Variants in STK32A observed in about 807,000 individuals in gnomAD.
STK32A encodes serine/threonine kinase 32A, also known as serine/threonine-protein kinase 32A.
STK32A carries 41 observed loss-of-function variants against 53.2 expected under a neutral mutation model. The observed-to-expected ratio is 0.77, with a 90% confidence interval of 0.60 to 1.00. The LOEUF (loss-of-function observed/expected upper bound fraction) is 1.00, where lower values mean the gene tolerates loss of function less well. Ranked by LOEUF, STK32A falls within the 50% of genes least tolerant of loss-of-function variation. The probability of loss-of-function intolerance (pLI) is 0.00; values close to 1 mark genes in which losing one functional copy is unlikely to be tolerated. For synonymous variants in STK32A, 166 were observed against 162.8 expected, an observed-to-expected ratio of 1.02 and a Z score of -0.15; for missense variants, 458 against 485.8, an observed-to-expected ratio of 0.94 and a Z score of 0.54.
At chr5:147,317,464 A>G (rs986028890) in intron 4 of STK32A, among the ~76,000 whole-genome samples, 4 of 150,520 alleles carry the variant, frequency 2.7e-5, no homozygotes, top group Admixed American at 2.0e-4. Flanking sequence ...AGTAGCTGAG[A>G]TTATAGGTGC....
At position 147,351,155 on chromosome 5, in the gene STK32A, G is replaced by T; in HGVS notation, c.562+1G>T. The stretch of plus-strand genomic sequence containing the variant: ...ATGGCTGGCACCAAGCCTTACATGG[G>T]TATGGGTTTCATGAGTGTCTTTTTT... On this transcript the variant is annotated splice_donor_variant, in intron 7 of 12. Coordinates refer to ENST00000397936, the MANE Select transcript of STK32A (RefSeq NM_001112724.2). LOFTEE classifies it high-confidence loss of function. The T allele has an allele frequency of 6.2e-7, 1 of 1,612,240 alleles. No homozygotes were observed. Among genetic ancestry groups the T allele is most frequent in the East Asian group, 2.2e-5 (1 of 44,850 alleles).
intron 7 of STK32A, among the ~76,000 whole-genome samples, chr5:147,352,521 A>G (rs1232090004): frequency 2.0e-5 from 3 of 152,182 alleles, no homozygotes; most frequent in African/African-American, 7.2e-5. Flanking sequence ...CAGCCTCAAC[A>G]ATGCAAGGAG....
At chr5:147,271,230 C>G (rs1035742066) in intron 2 of STK32A, among the ~76,000 whole-genome samples, 1 of 152,150 alleles carries the variant, frequency 6.6e-6, no homozygotes, top group Non-Finnish European at 1.5e-5. Flanking sequence ...TTATGCCTGT[C>G]TTTACTGCAA....
At chr5:147,305,979 T>A (rs973498734) in intron 4 of STK32A, among the ~76,000 whole-genome samples, 5 of 151,576 alleles carry the variant, frequency 3.3e-5, no homozygotes, top group African/African-American at 9.7e-5. Context: ...GAATATAAAC[T>A]TAAGAATTAA....
intron 11 of STK32A, among the ~76,000 whole-genome samples, chr5:147,378,242 C>T (rs1175567736): frequency 6.6e-6 from 1 of 152,098 alleles, no homozygotes; most frequent in East Asian, 1.9e-4. Context: ...TTAGGATAGG[C>T]TTTCCAGAGG....
intron 2 of STK32A, among the ~76,000 whole-genome samples, chr5:147,256,925 C>T (rs9686742): frequency 3.3e-5 from 5 of 151,818 alleles, no homozygotes; most frequent in Admixed American, 1.3e-4. Flanking sequence ...AAGGTGCAGG[C>T]GGTGGGGATC....
At chr5:147,333,138 A>G (rs1434928587) in intron 5 of STK32A, among the ~76,000 whole-genome samples, 1 of 152,168 alleles carries the variant, frequency 6.6e-6, no homozygotes, top group East Asian at 1.9e-4. Flanking sequence ...ATATTGATCA[A>G]TTATGCATGT....
In STK32A at chr5:147,333,921, G is replaced by A. The variant is rs59352597; in HGVS notation, c.435-9085G>A. ...CAATTAGTGAGCTGTGTGACTTTAG[G>A]CAAATTAATAAACTGAATTTCTTTA... On this transcript the variant is annotated intron_variant, in intron 5 of 12. Transcript: ENST00000397936. 8.6e-3 allele frequency among the ~76,000 whole-genome samples: 1,304 copies of A among 152,168 alleles called. 17 individuals are homozygous for A. The highest frequency in any genetic ancestry group is 0.029 in the African/African-American group (1,197 of 41,508).
At chr5:147,392,287 T>C (rs918619694), downstream of STK32A, 4 of 152,228 alleles carry the variant, frequency 2.6e-5, no homozygotes, top group African/African-American at 9.7e-5. Flanking sequence ...GAAATAGTCT[T>C]TTTTCATGAT....
In STK32A at chr5:147,309,359, G is replaced by T. The variant is rs114227630; in HGVS notation, c.261-14539G>T. 4.2e-3 allele frequency among the ~76,000 whole-genome samples: 639 copies of T among 152,242 alleles called. 11 individuals are homozygous for T. The highest frequency in any genetic ancestry group is 0.014 in the African/African-American group (596 of 41,550). On this transcript the variant is annotated intron_variant, in intron 4 of 12. Transcript: ENST00000397936. The stretch of plus-strand genomic sequence containing the variant: ...AGGTGGTCAGAGTATAGGAAATTTT[G>T]AGATGCCGAGAAGATCTGTGAAATT...
At chr5:147,357,293 T>G (rs1447263363) in intron 7 of STK32A, among the ~76,000 whole-genome samples, 1 of 152,136 alleles carries the variant, frequency 6.6e-6, no homozygotes, top group African/African-American at 2.4e-5. Context: ...TTATCAGTGC[T>G]ACACTATCAA....
At chr5:147,313,643 G>A (rs62377740) in intron 4 of STK32A, among the ~76,000 whole-genome samples, 26,198 of 152,128 alleles carry the variant, frequency 0.17, 2,746 homozygotes, top group Middle Eastern at 0.23. Flanking sequence ...AAAAAGAAGA[G>A]CAAAGTTGGA....
Position 147,384,527 on chromosome 5 carries a change from G to A in STK32A, c.*544G>A. On this transcript the variant is annotated 3_prime_UTR_variant, in exon 13 of 13. Transcript: ENST00000397936. Reference sequence around the variant, plus strand: ...AATCAGATTAAAAGTAACAGAGATGGATGAGGGCCTTCCAGTGATATGCGT... The same window carrying A: ...AATCAGATTAAAAGTAACAGAGATGAATGAGGGCCTTCCAGTGATATGCGT... 9.0e-7 allele frequency: 1 copy of A among 1,106,170 alleles called. No homozygotes were observed. The highest frequency in any genetic ancestry group is 1.3e-6 in the Non-Finnish European group (1 of 766,112). 68.5% of individuals were successfully genotyped at this position (1,106,170 alleles called of 1,614,324 possible).
intron 2 of STK32A, among the ~76,000 whole-genome samples, chr5:147,271,748 G>A (rs1755047991): frequency 6.6e-6 from 1 of 152,110 alleles, no homozygotes; most frequent in South Asian, 2.1e-4. Flanking sequence ...ATTAGGATGA[G>A]GAAATTCCCA....
At chr5:147,240,762 G>A (rs1753537685) in intron 2 of STK32A, among the ~76,000 whole-genome samples, 1 of 152,212 alleles carries the variant, frequency 6.6e-6, no homozygotes, top group Non-Finnish European at 1.5e-5. Context: ...TCTTTCTCAT[G>A]TGACAATCTA....
At chr5:147,375,318 T>C (rs1016078476) in intron 11 of STK32A, 100 bp downstream of exon 11, 23 of 1,447,416 alleles carry the variant, frequency 1.6e-5, no homozygotes, top group Non-Finnish European at 2.0e-5. Flanking sequence ...CTTCCTGCTT[T>C]TGCTGCTTAG....
chr5:147,291,883 C>T (rs143819056), intron 4 of STK32A, among the ~76,000 whole-genome samples: 197 of 152,188 alleles, frequency 1.3e-3, no homozygotes, highest in African/African-American at 4.5e-3. Context: ...TAATTATTTG[C>T]ATTAAGTGCA....
At chr5:147,281,358 A>G (rs1411292446) in intron 4 of STK32A, among the ~76,000 whole-genome samples, 1 of 152,168 alleles carries the variant, frequency 6.6e-6, no homozygotes, top group Non-Finnish European at 1.5e-5. Flanking sequence ...CCAAAATATG[A>G]TACAAGAAGT....
chr5:147,259,735 C>G (rs996348081), intron 2 of STK32A, among the ~76,000 whole-genome samples: 1 of 152,066 alleles, frequency 6.6e-6, no homozygotes, highest in African/African-American at 2.4e-5. Context: ...TTCTGACTCC[C>G]TCTTTGTAGC....
Sources: gnomAD v4.1 joint callset for allele counts (sites outside exome capture counted in the v4.1 genomes callset) on GRCh38, gnomAD v4.1.1 for gene constraint, MANE v1.5 for transcripts, NCBI Gene and HGNC (gene_info 2026-07-23, HGNC 2026-07-21) for gene names.